The following DPP3 variants were observed in gnomAD, a reference collection of about 807,000 sequenced individuals.
The protein encoded by DPP3 is DPP III.
Under a neutral mutation model 89.8 loss-of-function variants are expected in DPP3, and 64 were observed. The observed-to-expected ratio is 0.71, with a 90% CI of 0.58 to 0.88. The LOEUF is 0.88. Among genes scored for constraint, DPP3 ranks in the 40% least tolerant of loss-of-function variants. DPP3 has a pLI of 0.00. For synonymous variants in DPP3, 377 were observed against 404.3 expected (o/e 0.93, Z 0.81); for missense variants, 835 against 972.5 (o/e 0.86, Z 1.88).
chr11:66,494,774 C>T (rs1453201435), intron 12 of DPP3, among the ~76,000 whole-genome samples: 1 of 152,180 alleles, frequency 6.6e-6, no homozygotes, highest in African/African-American at 2.4e-5. Flanking sequence ...GCATGAAAGA[C>T]GCATGGCATG....
intron 16 of DPP3, among the ~76,000 whole-genome samples, chr11:66,501,290 G>A (rs1029297200): frequency 1.3e-5 from 2 of 152,022 alleles, no homozygotes; most frequent in Admixed American, 6.6e-5. Flanking sequence ...AACCCGGGAG[G>A]TGGGGATTGC....
At chr11:66,494,361 T>C (rs546572092) in intron 12 of DPP3, among the ~76,000 whole-genome samples, 12 of 152,032 alleles carry the variant, frequency 7.9e-5, no homozygotes, top group Non-Finnish European at 1.0e-4. Context: ...CTTCCCTGGA[T>C]CAGGAAGGGC....
chr11:66,496,368 C>T (rs564798278), intron 15 of DPP3, among the ~76,000 whole-genome samples: 23 of 151,948 alleles, frequency 1.5e-4, no homozygotes, highest in African/African-American at 5.1e-4. Flanking sequence ...CTCAGCCTCC[C>T]GAGTAGCTGG....
chr11:66,497,891 TAAA>T (rs566236707), intron 16 of DPP3, among the ~76,000 whole-genome samples: 1 of 138,356 alleles, frequency 7.2e-6, no homozygotes, highest in Admixed American at 7.3e-5. Flanking sequence ...ACCCTATCTC[TAAA>T]AAAAAAAAAA....
chr11:66,504,762 A>C lies in DPP3; in HGVS notation c.2029A>C (p.Thr677Pro). Residue 677 changes from threonine (T) to proline (P), a missense_variant, in exon 17 of 18, where the codon ACT becomes CCT. By Grantham distance (38) the Thr-to-Pro change is conservative (BLOSUM62 -1). Transcript: ENST00000531863. ...ESRKLIVQPN[T>P]RLEGSDVQLL... is the part of the protein sequence containing the mutation. ...TCGGAAGCTCATTGTTCAGCCCAACACTCGCCTTGAAGGTAATGAGGTAAT... is the reference window on the plus strand; with the variant it reads ...TCGGAAGCTCATTGTTCAGCCCAACCCTCGCCTTGAAGGTAATGAGGTAAT... 3 of 1,610,426 alleles carry C rather than the reference A, an allele frequency of 1.9e-6. No individual in the cohort carries two copies. The highest frequency in any genetic ancestry group is 2.5e-6 in the Non-Finnish European group (3 of 1,178,550).
In DPP3 at chr11:66,488,005, C is replaced by T. The variant is rs1182776755; in HGVS notation, c.665C>T (p.Ser222Leu). ...YEVRLASVLG[S>L]EPSLDSEVTS... ...GTGCGGCTGGCTTCTGTGCTTGGCT[C>T]AGGTGAGCTTAGCCCCAGGCTTCCC... The change falls in exon 6 of 18, where the codon TCA becomes TTA. Residue 222 changes from serine to leucine, a missense_variant and splice_region_variant. Ser to Leu is a moderately radical substitution (Grantham distance 145). Coordinates refer to ENST00000531863, the MANE Select transcript of DPP3 (RefSeq NM_130443.4). 4 of 1,613,870 alleles carry T rather than the reference C, an allele frequency of 2.5e-6. No individual in the cohort carries two copies. In the South Asian group the frequency reaches 3.3e-5, roughly 13 times the overall value.
intron 5 of DPP3, 24 bp downstream of exon 5, chr11:66,487,366 G>C (rs1855260442): frequency 6.2e-7 from 1 of 1,611,778 alleles, no homozygotes; most frequent in African/African-American, 1.3e-5. Context: ...GGAGCTCAAG[G>C]TAGCAGAGGT....
intron 17 of DPP3, among the ~76,000 whole-genome samples, chr11:66,507,496 C>T (rs1203099886): frequency 6.6e-6 from 1 of 151,560 alleles, no homozygotes; most frequent in Non-Finnish European, 1.5e-5. Context: ...TAATCATCAT[C>T]ATAATCATAC....
chr11:66,491,441 G>T (rs537547602), intron 7 of DPP3, 53 bp from the exon 8 acceptor site: 1 of 1,600,532 alleles, frequency 6.2e-7, no homozygotes. Context: ...GCAGCAGAGC[G>T]GGTGTGGAGG....
chr11:66,495,443 G>A lies in DPP3; in HGVS notation c.1531G>A (p.Ala511Thr). 6.2e-7 allele frequency: 1 copy of A among 1,612,330 alleles called. No individual in the cohort carries two copies. The highest frequency in any genetic ancestry group is 1.1e-5 in the South Asian group (1 of 90,890). Residue 511 changes from alanine to threonine, a missense_variant, in exon 14 of 18, where the codon GCT becomes ACT. Physicochemically the swap from Ala to Thr is moderately conservative, Grantham distance 58. Transcript: ENST00000531863. ...TIASSYEECR[A>T]ESVGLYLCLH... Reference sequence around the variant, plus strand: ...CGCCTCCAGCTACGAAGAGTGCCGGGCTGAGAGCGTGGGTCTCTACCTCTG... The same window carrying A: ...CGCCTCCAGCTACGAAGAGTGCCGGACTGAGAGCGTGGGTCTCTACCTCTG...
Position 66,509,179 on chromosome 11 carries a change from C to T in DPP3, c.2142C>T (p.Ile714=), listed in dbSNP as rs180951010. The part of the protein sequence containing the change: ...FPEDGPELEE[I]LTQLATADAR... Reference sequence around the variant, plus strand: ...AGGATGGACCCGAGTTGGAGGAGATCCTCACACAGCTGGCCACAGCCGATG... The same window carrying T: ...AGGATGGACCCGAGTTGGAGGAGATTCTCACACAGCTGGCCACAGCCGATG... Residue 714 remains isoleucine, a synonymous_variant, in exon 18 of 18, where the codon ATC becomes ATT. Transcript: ENST00000531863. 11 of 1,614,202 alleles carry T rather than the reference C, an allele frequency of 6.8e-6. No homozygotes were observed. Among genetic ancestry groups the T allele is most frequent in the East Asian group, 2.2e-5 (1 of 44,884 alleles).
chr11:66,490,767 G>GT (rs1441207501), intron 6 of DPP3, among the ~76,000 whole-genome samples: 143 of 138,124 alleles, frequency 1.0e-3, no homozygotes, highest in African/African-American at 3.3e-3. Context: ...TGTTTTTTTT[G>GT]TTTTGTTTTT....
chr11:66,506,706 C>T (rs1855811140), intron 17 of DPP3, among the ~76,000 whole-genome samples: 2 of 152,188 alleles, frequency 1.3e-5, no homozygotes, highest in Admixed American at 1.3e-4. Context: ...CTTCTACCCA[C>T]TGAGCTGGGT....
At chr11:66,508,932 T>A in intron 17 of DPP3, 147 bp from the exon 18 acceptor site, 1 of 986,198 alleles carries the variant, frequency 1.0e-6, no homozygotes, top group Non-Finnish European at 1.5e-6. Context: ...AATTAAGTAA[T>A]TAACCTAAAA....
At position 66,509,105 on chromosome 11, in the gene DPP3, G is replaced by C. The variant is rs12421620; in HGVS notation, c.2068G>C (p.Glu690Gln). ...EGSDVQLLEY[E>Q]ASAAGLIRSF... is the part of the protein sequence containing the mutation. ...CTCAGACGTGCAGCTTCTGGAATAC[G>C]AGGCGTCAGCTGCTGGCCTCATCCG... is the stretch of plus-strand genomic sequence containing the variant. The change falls in exon 18 of 18, where the codon GAG becomes CAG. Residue 690 changes from glutamate to glutamine, a missense_variant. By Grantham distance (29) the Glu-to-Gln change is conservative. Transcript: ENST00000531863. The C allele has an allele frequency of 1.2e-6, 2 of 1,614,002 alleles. No individual in the cohort carries two copies. Among genetic ancestry groups the C allele is most frequent in the Non-Finnish European group, 1.7e-6 (2 of 1,180,002 alleles).
intron 7 of DPP3, 29 bp downstream of exon 7, chr11:66,491,412 G>A (rs1022802836): frequency 8.1e-6 from 13 of 1,609,770 alleles, no homozygotes; most frequent in Middle Eastern, 1.7e-4. Flanking sequence ...TGAGGGGTGC[G>A]GGCTGAGGAC....
intron 17 of DPP3, among the ~76,000 whole-genome samples, chr11:66,505,877 A>G (rs1283825451): frequency 1.3e-5 from 2 of 151,566 alleles, no homozygotes; most frequent in Non-Finnish European, 2.9e-5. Flanking sequence ...AATATTTGCA[A>G]AAAGTCACTA....
intron 6 of DPP3, 64 bp from the exon 7 acceptor site, chr11:66,491,189 C>T (rs1232237355): frequency 1.2e-6 from 2 of 1,604,216 alleles, no homozygotes; most frequent in Admixed American, 1.7e-5. Flanking sequence ...CTTACTCAGG[C>T]CTTTTCTCTG....
At chr11:66,500,673 C>T (rs1160408627) in intron 16 of DPP3, among the ~76,000 whole-genome samples, 1 of 152,234 alleles carries the variant, frequency 6.6e-6, no homozygotes, top group Admixed American at 6.5e-5. Flanking sequence ...TAAAGTTGAG[C>T]ACTCCTGTCA....
Sources: allele counts gnomAD v4.1 joint callset (sites outside exome capture counted in the v4.1 genomes callset), GRCh38; gene constraint gnomAD v4.1.1; transcripts MANE v1.5; gene names NCBI Gene and HGNC (gene_info 2026-07-23, HGNC 2026-07-21).